The following FRMD3 variants were observed in gnomAD, a reference collection of about 807,000 sequenced individuals.
FRMD3 encodes the protein FERM domain containing 3, also known as FERM domain-containing protein 3.
FRMD3 carries 33 observed loss-of-function variants against 70.2 expected under a neutral mutation model. The ratio of observed to expected loss-of-function variants is 0.47; its 90% confidence interval spans 0.36 to 0.63. The LOEUF (loss-of-function observed/expected upper bound fraction) is 0.63, where lower values mean the gene tolerates loss of function less well. Among genes scored for constraint, FRMD3 ranks in the 20% least tolerant of loss-of-function variants. The pLI is 0.00. For synonymous variants in FRMD3, 279 were observed against 255.9 expected (o/e 1.09, Z -0.86); for missense variants, 632 against 711.4 (o/e 0.89, Z 1.27).
chr9:83,545,093 T>C, the FRMD3 span, among the ~76,000 whole-genome samples: 1 of 151,826 alleles, frequency 6.6e-6, no homozygotes, highest in African/African-American at 2.4e-5. Context: ...GGAAGCTCAA[T>C]GAGATCCAAG....
At chr9:83,316,148 C>CTTTTTTTTTTTTTTTTTTTTTTTTTTTT (rs369641019) in intron 6 of FRMD3, among the ~76,000 whole-genome samples, 1 of 134,502 alleles carries the variant, frequency 7.4e-6, no homozygotes, top group Non-Finnish European at 1.6e-5. Flanking sequence ...TCTTTTTTCT[C>CTTTTTTTTTTTTTTTTTTTTTTTTTTTT]TTTTTTTTTT....
At position 83,527,431 on chromosome 9, in the gene FRMD3, C is replaced by T. The variant is rs140926581; in HGVS notation, c.147+10654G>A. Reference sequence around the variant, plus strand: ...TTATTTATTCACTCACTTACCCACACTCATTGAACATCTACTCAAAGAAAT... The same window carrying T: ...TTATTTATTCACTCACTTACCCACATTCATTGAACATCTACTCAAAGAAAT... On this transcript the variant is annotated intron_variant, in intron 1 of 13. Coordinates refer to ENST00000304195, the MANE Select transcript of FRMD3 (RefSeq NM_174938.6). 2.6e-4 allele frequency among the ~76,000 whole-genome samples: 40 copies of T among 152,274 alleles called. No individual in the cohort carries two copies. The East Asian group carries it at 6.6e-3, about 25-fold the overall frequency.
rs1404896344 is a variant in FRMD3, at chr9:83,317,335, C to T, written c.597-3588G>A. ...TTCTGGCCCTCAATGCAAAACTTCA[C>T]CCTAACGACCCAGACCAAGACCAAA... On this transcript the variant is annotated intron_variant, in intron 6 of 13. Coordinates refer to ENST00000304195, the MANE Select transcript of FRMD3 (RefSeq NM_174938.6). 2.0e-5 allele frequency among the ~76,000 whole-genome samples: 3 copies of T among 151,992 alleles called. No homozygotes were observed. The East Asian group carries it at 5.8e-4, about 29-fold the overall frequency.
At chr9:83,568,403 T>A in the FRMD3 span, among the ~76,000 whole-genome samples, 1 of 152,206 alleles carries the variant, frequency 6.6e-6, no homozygotes, top group African/African-American at 2.4e-5. Context: ...ATCAAAATAA[T>A]ATCTATATTA....
intron 1 of FRMD3, among the ~76,000 whole-genome samples, chr9:83,396,890 C>A (rs1825823953): frequency 6.6e-6 from 1 of 152,180 alleles, no homozygotes; most frequent in Non-Finnish European, 1.5e-5. Context: ...ATGCCTCAGG[C>A]CAAGAAGAGC....
intron 6 of FRMD3, among the ~76,000 whole-genome samples, chr9:83,323,478 A>G (rs1419577559): frequency 6.6e-6 from 1 of 152,198 alleles, no homozygotes; most frequent in Non-Finnish European, 1.5e-5. Context: ...TTAAGAGGTG[A>G]GGCTTTTAAG....
intron 13 of FRMD3, among the ~76,000 whole-genome samples, chr9:83,274,129 C>A (rs1480992461): frequency 6.6e-6 from 1 of 152,058 alleles, no homozygotes; most frequent in African/African-American, 2.4e-5. Context: ...CCCATTTGTT[C>A]TTTTTAAATG....
At chr9:83,346,234 C>T (rs147736311) in intron 4 of FRMD3, among the ~76,000 whole-genome samples, 17,784 of 125,808 alleles carry the variant, frequency 0.14, 1,223 homozygotes, top group Middle Eastern at 0.19. Flanking sequence ...CCAGCCTGAG[C>T]GACAGAGCAA....
At chr9:83,461,666 T>A (rs1186484264) in intron 1 of FRMD3, among the ~76,000 whole-genome samples, 1 of 5,348 alleles carries the variant, frequency 1.9e-4, no homozygotes, top group Non-Finnish European at 3.4e-4. Flanking sequence ...GGAATTTCCC[T>A]TTTTTTTTTT....
At chr9:83,306,891 T>C (rs1446560325) in intron 10 of FRMD3, among the ~76,000 whole-genome samples, 4 of 148,892 alleles carry the variant, frequency 2.7e-5, no homozygotes, top group East Asian at 3.9e-4. Context: ...TGTTTGGAAA[T>C]AGATAGAAAT....
chr9:83,377,714 G>A (rs1825193878), intron 2 of FRMD3, among the ~76,000 whole-genome samples: 1 of 152,102 alleles, frequency 6.6e-6, no homozygotes, highest in Non-Finnish European at 1.5e-5. Context: ...CTCCCCAGAA[G>A]CAGATGCTGG....
At chr9:83,373,043 G>A (rs886763419) in intron 2 of FRMD3, 88 bp from the exon 3 acceptor site, 9 of 1,079,080 alleles carry the variant, frequency 8.3e-6, no homozygotes, top group Non-Finnish European at 1.3e-5. Context: ...GAATTCCAAA[G>A]TACAGCCTCG....
chr9:83,409,151 A>G (rs916342250), intron 1 of FRMD3, among the ~76,000 whole-genome samples: 10 of 152,192 alleles, frequency 6.6e-5, no homozygotes, highest in Admixed American at 3.9e-4. Flanking sequence ...GGTTCCCAGA[A>G]TGCAGCCCCA....
At chr9:83,273,609 T>TAAAAAAAAAAAAAAAAA (rs899879607) in intron 13 of FRMD3, among the ~76,000 whole-genome samples, 1 of 71,328 alleles carries the variant, frequency 1.4e-5, no homozygotes, top group African/African-American at 5.3e-5. Flanking sequence ...CAATAAATAC[T>TAAAAAAAAAAAAAAAAA]AAAAAAAAAA....
the FRMD3 span, among the ~76,000 whole-genome samples, chr9:83,545,346 G>GTTGTTTTTTTTTTTTTTTTTT: frequency 8.5e-6 from 1 of 117,298 alleles, no homozygotes; most frequent in African/African-American, 3.0e-5. Flanking sequence ...GAAAAGTGTT[G>GTTGTTTTTTTTTTTTTTTTTT]TTTTTTTTTG....
At chr9:83,520,218 TC>T (rs529363144) in intron 1 of FRMD3, among the ~76,000 whole-genome samples, 1 of 151,946 alleles carries the variant, frequency 6.6e-6, no homozygotes, top group African/African-American at 2.4e-5. Flanking sequence ...GCTAATTCCT[TC>T]CCCCCCTGGA....
intron 6 of FRMD3, among the ~76,000 whole-genome samples, chr9:83,328,540 C>T (rs926678986): frequency 5.9e-5 from 9 of 152,100 alleles, no homozygotes; most frequent in Admixed American, 5.2e-4. Context: ...TCTTGATAGT[C>T]GAAGGCGCTA....
chr9:83,331,728 G>T (rs1823378131), intron 6 of FRMD3: 1 of 663,892 alleles, frequency 1.5e-6, no homozygotes, highest in African/African-American at 1.8e-5. Context: ...TTTCAATTTT[G>T]CTGTAAACCT....
At chr9:83,243,853 A>T (rs1301348078), downstream of FRMD3, among the ~76,000 whole-genome samples, 2 of 152,100 alleles carry the variant, frequency 1.3e-5, no homozygotes, top group African/African-American at 2.4e-5. Flanking sequence ...TGGAGTTGTT[A>T]GCTTTGCGCC....
Sources: gnomAD v4.1 joint callset for allele counts (sites outside exome capture counted in the v4.1 genomes callset) on GRCh38, gnomAD v4.1.1 for gene constraint, MANE v1.5 for transcripts, NCBI Gene and HGNC (gene_info 2026-07-23, HGNC 2026-07-21) for gene names.